Variants in LIPC observed in about 807,000 individuals in gnomAD.
LIPC encodes lipase C, hepatic type.
A neutral mutation model predicts 50.7 loss-of-function variants in LIPC; 44 were observed. That is an observed-to-expected ratio of 0.87 (90% CI 0.68 to 1.11). LIPC has a LOEUF of 1.11. Ranked by LOEUF, LIPC falls within the 50% of genes most tolerant of loss-of-function variation. LIPC has a pLI of 0.00. For missense variants in LIPC, 697 were observed against 648.2 expected, an observed-to-expected ratio of 1.08 and a Z score of -0.82; for synonymous variants, 271 against 256.4, an observed-to-expected ratio of 1.06 and a Z score of -0.54.
intron 8 of LIPC, chr15:58,566,012 T>C: frequency 3.0e-6 from 3 of 985,046 alleles, no homozygotes; most frequent in Non-Finnish European, 3.6e-6. Flanking sequence ...AACGGTGTGG[T>C]CCATCCCAGG....
At chr15:58,461,359 G>A (rs1413300156) in intron 1 of LIPC, among the ~76,000 whole-genome samples, 2 of 152,126 alleles carry the variant, frequency 1.3e-5, no homozygotes, top group South Asian at 2.1e-4. Flanking sequence ...TCACAAAGCT[G>A]GCAACTCCCA....
chr15:58,439,985 C>T (rs1893448498), intron 1 of LIPC, among the ~76,000 whole-genome samples: 1 of 152,180 alleles, frequency 6.6e-6, no homozygotes, highest in Non-Finnish European at 1.5e-5. Context: ...CACTTCACTT[C>T]TAACTTTCTA....
intron 8 of LIPC, among the ~76,000 whole-genome samples, chr15:58,564,875 G>T (rs963620448): frequency 1.3e-5 from 2 of 152,116 alleles, no homozygotes; most frequent in African/African-American, 4.8e-5. Flanking sequence ...CAGAATTCCA[G>T]GCATCCCCGG....
intron 1 of LIPC, among the ~76,000 whole-genome samples, chr15:58,500,932 A>T (rs1891964852): frequency 1.3e-5 from 2 of 152,034 alleles, no homozygotes; most frequent in African/African-American, 4.8e-5. Flanking sequence ...AAGACACACC[A>T]GGCCATTCAT....
intron 1 of LIPC, among the ~76,000 whole-genome samples, chr15:58,477,383 G>A (rs1891036318): frequency 6.6e-6 from 1 of 152,228 alleles, no homozygotes; most frequent in African/African-American, 2.4e-5. Context: ...CAGAATGCCT[G>A]CATAGCAGTT....
At chr15:58,494,719 T>G (rs1891706865) in intron 1 of LIPC, 2 of 453,082 alleles carry the variant, frequency 4.4e-6, no homozygotes, top group East Asian at 7.0e-5. Flanking sequence ...AAATACAGCT[T>G]GGGTGGGATC....
In LIPC at chr15:58,459,800, G is replaced by C. The variant is rs1273631328; in HGVS notation, c.88+27680G>C. Among the ~76,000 whole-genome samples, 6 of 152,312 alleles carry C rather than the reference G, an allele frequency of 3.9e-5. No homozygotes were observed. In the East Asian group the frequency reaches 1.2e-3, roughly 29 times the overall value. ...CAGATGCCCGCTCCCTTACCCCTTGGGGGAAGGACAGAGGTATCTGAGGGA... is the reference window on the plus strand; with the variant it reads ...CAGATGCCCGCTCCCTTACCCCTTGCGGGAAGGACAGAGGTATCTGAGGGA... On this transcript the variant is annotated intron_variant, in intron 1 of 8. Transcript: ENST00000299022.
intron 5 of LIPC, 60 bp from the exon 6 acceptor site, chr15:58,548,270 T>G: frequency 3.1e-6 from 5 of 1,612,704 alleles, no homozygotes; most frequent in Non-Finnish European, 4.2e-6. Flanking sequence ...AAGGTGATCC[T>G]CTGAGTTGAG....
intron 1 of LIPC, among the ~76,000 whole-genome samples, chr15:58,519,191 G>A (rs1270332518): frequency 6.6e-6 from 1 of 151,982 alleles, no homozygotes; most frequent in African/African-American, 2.4e-5. Flanking sequence ...GGCAGATCAC[G>A]AGGTCAGGAG....
intron 1 of LIPC, among the ~76,000 whole-genome samples, chr15:58,492,388 A>G (rs1335282824): frequency 1.3e-5 from 2 of 152,238 alleles, no homozygotes; most frequent in Non-Finnish European, 2.9e-5. Flanking sequence ...TAGCCATAAT[A>G]TAAACACATT....
At chr15:58,523,656 C>G (rs1321742872) in intron 1 of LIPC, among the ~76,000 whole-genome samples, 2 of 152,012 alleles carry the variant, frequency 1.3e-5, no homozygotes, top group African/African-American at 4.8e-5. Context: ...CAGAGGCTCA[C>G]GCCTATAATC....
intron 1 of LIPC, among the ~76,000 whole-genome samples, chr15:58,486,415 T>G (rs1891378889): frequency 6.6e-6 from 1 of 152,212 alleles, no homozygotes; most frequent in Non-Finnish European, 1.5e-5. Flanking sequence ...TGCCCCTGCT[T>G]ATGGCAAGCC....
chr15:58,433,254 T>A lies in LIPC; in HGVS notation c.88+1134T>A, dbSNP rs571690628. ...AGTGATTTTGCTAAAGGGCCTTTCCTGCCCTTTGCCCCGGAATGTTGTATT... is the reference window on the plus strand; with the variant it reads ...AGTGATTTTGCTAAAGGGCCTTTCCAGCCCTTTGCCCCGGAATGTTGTATT... On this transcript the variant is annotated intron_variant, in intron 1 of 8. Transcript: ENST00000299022. Among the ~76,000 whole-genome samples the A allele has an allele frequency of 5.2e-4, 79 of 152,348 alleles. 1 individual carries two copies. The highest frequency in any genetic ancestry group is 1.9e-3 in the African/African-American group (79 of 41,576).
intron 1 of LIPC, chr15:58,436,710 A>G (rs1261932641): frequency 6.6e-6 from 3 of 456,188 alleles, no homozygotes; most frequent in Non-Finnish European, 8.8e-6. Flanking sequence ...GATGAGGACC[A>G]TGAGAGAGGA....
At chr15:58,462,181 C>T (rs1894375725) in intron 1 of LIPC, among the ~76,000 whole-genome samples, 1 of 152,194 alleles carries the variant, frequency 6.6e-6, no homozygotes, top group Admixed American at 6.5e-5. Context: ...GTTCATATTT[C>T]CACCTTCCCT....
chr15:58,541,644 C>G (rs1893326981), intron 2 of LIPC, 141 bp from the exon 3 acceptor site: 2 of 853,446 alleles, frequency 2.3e-6, no homozygotes, highest in Admixed American at 2.0e-5. Context: ...AAGGAATTCT[C>G]TGGCCCAAAA....
chr15:58,444,260 C>T (rs1451142926), intron 1 of LIPC, among the ~76,000 whole-genome samples: 1 of 152,208 alleles, frequency 6.6e-6, no homozygotes, highest in African/African-American at 2.4e-5. Flanking sequence ...GCAGGAAGAA[C>T]TGCAAGAAGG....
intron 1 of LIPC, among the ~76,000 whole-genome samples, chr15:58,493,969 G>T (rs1027827292): frequency 1.4e-4 from 22 of 152,282 alleles, no homozygotes; most frequent in Middle Eastern, 6.8e-3. Flanking sequence ...TTTAAGAAAT[G>T]AGAGTAGGGG....
At chr15:58,464,984 G>A (rs1894497073) in intron 1 of LIPC, among the ~76,000 whole-genome samples, 1 of 152,068 alleles carries the variant, frequency 6.6e-6, no homozygotes, top group African/African-American at 2.4e-5. Context: ...AAAATGGGGA[G>A]CGAGGGGGGA....
Sources: gnomAD v4.1 joint callset for allele counts (sites outside exome capture counted in the v4.1 genomes callset) on GRCh38, gnomAD v4.1.1 for gene constraint, MANE v1.5 for transcripts, NCBI Gene and HGNC (gene_info 2026-07-23, HGNC 2026-07-21) for gene names.